The following APBA1 variants were observed in gnomAD, a reference collection of about 807,000 sequenced individuals.
APBA1 encodes amyloid beta precursor protein binding family A member 1.
In APBA1, 55 loss-of-function variants were observed where a neutral mutation model predicts 86.6. The ratio of observed to expected loss-of-function variants is 0.64; its 90% confidence interval spans 0.51 to 0.80. APBA1 has a LOEUF of 0.80. Ranked by LOEUF, APBA1 falls within the 30% of genes least tolerant of loss-of-function variation. The pLI, the probability that APBA1 is intolerant of heterozygous loss-of-function variation, is 0.00. For synonymous variants in APBA1, 511 were observed against 493.9 expected (o/e 1.03, Z -0.46); for missense variants, 1,090 against 1,183.0 (o/e 0.92, Z 1.15).
chr9:69,482,325 C>T (rs1433462691), intron 2 of APBA1, among the ~76,000 whole-genome samples: 1 of 151,974 alleles, frequency 6.6e-6, no homozygotes, highest in Non-Finnish European at 1.5e-5. Context: ...CATGAATAGA[C>T]ACTTCTCAAA....
At chr9:69,601,591 T>C (rs781100102) in intron 1 of APBA1, among the ~76,000 whole-genome samples, 2 of 152,234 alleles carry the variant, frequency 1.3e-5, no homozygotes, top group African/African-American at 4.8e-5. Flanking sequence ...TAATCTGTTT[T>C]GACAAAGTTT....
At chr9:69,568,410 A>G (rs528829927) in intron 1 of APBA1, among the ~76,000 whole-genome samples, 2 of 152,370 alleles carry the variant, frequency 1.3e-5, no homozygotes, top group East Asian at 3.9e-4. Flanking sequence ...GTTATTCAAA[A>G]TAGAAGAGAA....
chr9:69,432,665 GA>G lies in APBA1; in HGVS notation c.2312del (p.Leu771ProfsTer6). ...CTCTCTCAGCTATTCCCCCTCGCAT[GA>G]GGCTGCAGATCTGCCAGAGTCAAAG... is the stretch of plus-strand genomic sequence containing the variant. Reference protein sequence around the residue: ...FSVQNGIICSLMRGGIAERGG... With the variant: ...FSVQNGIICSXMRGGIAERGG... On this transcript the variant is annotated frameshift_variant, in exon 12 of 13. Coordinates refer to ENST00000265381, the MANE Select transcript of APBA1 (RefSeq NM_001163.4). LOFTEE classifies it high-confidence loss of function. The G allele has an allele frequency of 6.3e-7, 1 of 1,586,752 alleles. No individual in the cohort carries two copies. The highest frequency in any genetic ancestry group is 8.6e-7 in the Non-Finnish European group (1 of 1,168,682).
At chr9:69,522,595 C>T (rs1465917118) in intron 1 of APBA1, among the ~76,000 whole-genome samples, 1 of 152,152 alleles carries the variant, frequency 6.6e-6, no homozygotes, top group Non-Finnish European at 1.5e-5. Context: ...GCAGACAGCT[C>T]TGACAGTTAT....
At chr9:69,570,596 T>C (rs919326479) in intron 1 of APBA1, among the ~76,000 whole-genome samples, 7 of 152,220 alleles carry the variant, frequency 4.6e-5, no homozygotes, top group Admixed American at 1.3e-4. Context: ...AATTATTTTG[T>C]ACTAGGAAAA....
chr9:69,538,319 G>A (rs758758200), intron 1 of APBA1, among the ~76,000 whole-genome samples: 3 of 152,126 alleles, frequency 2.0e-5, no homozygotes, highest in Non-Finnish European at 2.9e-5. Flanking sequence ...TTCTAATTAC[G>A]GGTTGACATC....
chr9:69,612,023 T>A (rs1822601412), intron 1 of APBA1, among the ~76,000 whole-genome samples: 1 of 152,284 alleles, frequency 6.6e-6, no homozygotes, highest in Middle Eastern at 3.4e-3. Context: ...CAGATGGGAT[T>A]ATATTTGTGT....
intron 1 of APBA1, among the ~76,000 whole-genome samples, chr9:69,668,800 C>T: frequency 6.6e-6 from 1 of 152,116 alleles, no homozygotes; most frequent in Non-Finnish European, 1.5e-5. Context: ...CAGGCCTGTG[C>T]TACACTGTTC....
At chr9:69,592,165 A>G (rs1217509891) in intron 1 of APBA1, among the ~76,000 whole-genome samples, 4 of 152,234 alleles carry the variant, frequency 2.6e-5, no homozygotes, top group Admixed American at 1.3e-4. Context: ...CAATAATTAG[A>G]AAGTCATTTA....
At chr9:69,597,771 T>A (rs1184039854) in intron 1 of APBA1, among the ~76,000 whole-genome samples, 2 of 152,234 alleles carry the variant, frequency 1.3e-5, no homozygotes, top group African/African-American at 4.8e-5. Flanking sequence ...AAATAGGGAA[T>A]CCTTTCCGCA....
chr9:69,458,466 T>C (rs759477087), intron 5 of APBA1, among the ~76,000 whole-genome samples: 4 of 152,230 alleles, frequency 2.6e-5, no homozygotes, highest in Non-Finnish European at 5.9e-5. Flanking sequence ...GTTTTGGTTC[T>C]GTTAATTTTC....
At chr9:69,597,607 T>C (rs1210478536) in intron 1 of APBA1, among the ~76,000 whole-genome samples, 1 of 152,350 alleles carries the variant, frequency 6.6e-6, no homozygotes, top group East Asian at 1.9e-4. Flanking sequence ...TCTTGAATGG[T>C]AATGCCTAGG....
rs35255395 is a variant in APBA1, at chr9:69,433,808, CTTTTTTTTTT to C, written c.2302-1142_2302-1133del. On this transcript the variant is annotated intron_variant, in intron 11 of 12. Transcript: ENST00000265381. ...GGAATGATATTTTAATTACCTAGGACTTTTTTTTTTTTTTTTTTTTTAAGACAGAGTCTTG... is the reference window on the plus strand; with the variant it reads ...GGAATGATATTTTAATTACCTAGGACTTTTTTTTTTTAAGACAGAGTCTTG... Among the ~76,000 whole-genome samples the C allele has an allele frequency of 9.3e-5, 12 of 128,432 alleles. No homozygotes were observed. The Middle Eastern group carries it at 0.026, about 274-fold the overall frequency. The allele number at this position is 128,432 out of a possible 152,430, so 84.3% of individuals were successfully genotyped here. A position where few individuals can be genotyped will look rare whatever the true frequency, so the allele number is the denominator to read the frequency against.
At chr9:69,463,929 T>G (rs1184426793) in intron 5 of APBA1, 1 of 152,276 alleles carries the variant, frequency 6.6e-6, no homozygotes, top group African/African-American at 2.4e-5. Context: ...CTATAAAGTC[T>G]GCAGCTTTGC....
intron 1 of APBA1, among the ~76,000 whole-genome samples, chr9:69,624,387 T>A (rs541973913): frequency 1.1e-4 from 16 of 152,210 alleles, no homozygotes; most frequent in Non-Finnish European, 2.1e-4. Context: ...GAAACAAATT[T>A]TATAGTTACA....
At chr9:69,465,677 C>T (rs1460770535) in intron 5 of APBA1, among the ~76,000 whole-genome samples, 1 of 152,174 alleles carries the variant, frequency 6.6e-6, no homozygotes, top group African/African-American at 2.4e-5. Context: ...GTCTCAAAGT[C>T]CCAAAAGGTA....
chr9:69,433,808 CTTTTTTTTT>C (rs35255395), intron 11 of APBA1, among the ~76,000 whole-genome samples: 1 of 128,458 alleles, frequency 7.8e-6, no homozygotes, highest in African/African-American at 2.9e-5. Context: ...TTACCTAGGA[CTTTTTTTTT>C]TTTTTTTTTT....
At chr9:69,589,724 G>A (rs931028690) in intron 1 of APBA1, among the ~76,000 whole-genome samples, 4 of 152,100 alleles carry the variant, frequency 2.6e-5, no homozygotes, top group Admixed American at 6.5e-5. Flanking sequence ...ATCGTGAACC[G>A]GAAGATCTGA....
chr9:69,546,951 G>A (rs570621105), intron 1 of APBA1, among the ~76,000 whole-genome samples: 2 of 152,330 alleles, frequency 1.3e-5, no homozygotes, highest in African/African-American at 4.8e-5. Context: ...GTTTAAAAGT[G>A]TTACGCATAC....
Sources: gnomAD v4.1 joint callset for allele counts (sites outside exome capture counted in the v4.1 genomes callset) on GRCh38, gnomAD v4.1.1 for gene constraint, MANE v1.5 for transcripts, NCBI Gene and HGNC (gene_info 2026-07-23, HGNC 2026-07-21) for gene names.